The following CADM2 variants were observed in gnomAD, a reference collection of about 807,000 sequenced individuals.
CADM2 encodes immunoglobulin superfamily member 4D.
In CADM2, 12 loss-of-function variants were observed where a neutral mutation model predicts 49.8. The ratio of observed to expected loss-of-function variants is 0.24; its 90% confidence interval spans 0.15 to 0.39. CADM2 has a LOEUF of 0.39. CADM2 is among the 10% of genes least tolerant of loss of function. The probability of loss-of-function intolerance (pLI) is 1.00; values close to 1 mark genes in which losing one functional copy is unlikely to be tolerated. For synonymous variants in CADM2, 214 were observed against 175.4 expected (o/e 1.22, Z -1.74); for missense variants, 378 against 492.3 (o/e 0.77, Z 2.20).
intron 1 of CADM2, among the ~76,000 whole-genome samples, chr3:85,725,872 A>G (rs2107781165): frequency 6.6e-6 from 1 of 152,134 alleles, no homozygotes; most frequent in East Asian, 1.9e-4. Flanking sequence ...TCAGTTCCTT[A>G]AATACCAATA....
At chr3:85,595,187 C>A (rs2063208490) in intron 1 of CADM2, among the ~76,000 whole-genome samples, 2 of 151,954 alleles carry the variant, frequency 1.3e-5, no homozygotes, top group South Asian at 4.1e-4. Flanking sequence ...TAGGGCTGAA[C>A]AGAGCACCAG....
intron 1 of CADM2, among the ~76,000 whole-genome samples, chr3:85,396,499 A>G (rs1421300645): frequency 1.3e-5 from 2 of 152,026 alleles, no homozygotes; most frequent in African/African-American, 2.4e-5. Context: ...AAATTATTGC[A>G]GCAACAAATC....
At chr3:85,184,228 A>T (rs2167605) in intron 1 of CADM2, among the ~76,000 whole-genome samples, 11,166 of 152,122 alleles carry the variant, frequency 0.073, 1,359 homozygotes, top group African/African-American at 0.25. Context: ...GATACAACAG[A>T]TTCAGTAGAT....
chr3:86,045,943 C>G (rs568335205), intron 8 of CADM2, among the ~76,000 whole-genome samples: 1 of 152,128 alleles, frequency 6.6e-6, no homozygotes, highest in African/African-American at 2.4e-5. Context: ...GTGTCAGATT[C>G]TAACAGAAAA....
intron 1 of CADM2, among the ~76,000 whole-genome samples, chr3:85,254,994 T>A (rs1325979212): frequency 6.6e-6 from 1 of 152,130 alleles, no homozygotes; most frequent in Non-Finnish European, 1.5e-5. Context: ...GTCATTTTTT[T>A]CATATCCTAC....
At chr3:86,001,175 C>A (rs1052104091) in intron 8 of CADM2, among the ~76,000 whole-genome samples, 1 of 152,090 alleles carries the variant, frequency 6.6e-6, no homozygotes, top group Non-Finnish European at 1.5e-5. Flanking sequence ...TGTTGCCATT[C>A]AGTGAGATAG....
At chr3:85,945,161 T>C (rs1002606975) in intron 7 of CADM2, among the ~76,000 whole-genome samples, 9 of 151,956 alleles carry the variant, frequency 5.9e-5, no homozygotes, top group Non-Finnish European at 7.4e-5. Context: ...TCTACGCAAA[T>C]AAATTAGAAA....
At chr3:85,905,565 G>T (rs761883998) in intron 5 of CADM2, among the ~76,000 whole-genome samples, 24 of 151,812 alleles carry the variant, frequency 1.6e-4, no homozygotes, top group Admixed American at 4.6e-4. Context: ...TGTACCCAGC[G>T]TCTAAAACCT....
intron 1 of CADM2, chr3:85,511,844 C>A (rs2040631657): frequency 2.0e-6 from 2 of 980,446 alleles, no homozygotes; most frequent in Admixed American, 6.2e-5. Flanking sequence ...TGTTTTATTT[C>A]TTTCTGTTTT....
intron 1 of CADM2, among the ~76,000 whole-genome samples, chr3:85,503,094 T>TGTGAA (rs764523228): frequency 6.6e-6 from 1 of 151,946 alleles, no homozygotes; most frequent in Non-Finnish European, 1.5e-5. Context: ...CATATACTCC[T>TGTGAA]AACATAAAGT....
At chr3:86,020,317 A>G (rs1045277435) in intron 8 of CADM2, among the ~76,000 whole-genome samples, 2 of 151,688 alleles carry the variant, frequency 1.3e-5, no homozygotes, top group Non-Finnish European at 2.9e-5. Flanking sequence ...TAGACCAATA[A>G]CAGGAGCTGA....
intron 1 of CADM2, among the ~76,000 whole-genome samples, chr3:85,375,513 A>G (rs1228193318): frequency 6.6e-6 from 1 of 152,218 alleles, no homozygotes; most frequent in Non-Finnish European, 1.5e-5. Flanking sequence ...GGAAATTATT[A>G]CAAGTATGTA....
intron 2 of CADM2, among the ~76,000 whole-genome samples, chr3:85,734,819 A>G (rs904925779): frequency 4.7e-5 from 7 of 150,264 alleles, no homozygotes; most frequent in African/African-American, 1.7e-4. Context: ...CTTTTTAAAT[A>G]TAATAGACAC....
chr3:85,035,802 A>G (rs2035187271), intron 1 of CADM2, among the ~76,000 whole-genome samples: 1 of 152,136 alleles, frequency 6.6e-6, no homozygotes, highest in South Asian at 2.1e-4. Flanking sequence ...TTATGCCAGT[A>G]TTTGATCATT....
intron 1 of CADM2, among the ~76,000 whole-genome samples, chr3:85,370,782 A>G (rs1301001017): frequency 2.0e-5 from 3 of 152,126 alleles, no homozygotes; most frequent in African/African-American, 7.3e-5. Flanking sequence ...TTGTTATCAT[A>G]GAAGATAACA....
At chr3:85,211,441 C>T (rs1335118400) in intron 1 of CADM2, among the ~76,000 whole-genome samples, 1 of 151,928 alleles carries the variant, frequency 6.6e-6, no homozygotes, top group Non-Finnish European at 1.5e-5. Context: ...TAAACTTTCC[C>T]TTAGTACTGG....
chr3:85,212,859 T>TC (rs1559723740), intron 1 of CADM2, among the ~76,000 whole-genome samples: 49 of 128,938 alleles, frequency 3.8e-4, no homozygotes, highest in Non-Finnish European at 4.9e-4. Flanking sequence ...TCTTTCTTTC[T>TC]TTCTTTCTTT....
At chr3:85,405,746 G>T (rs1323842918) in intron 1 of CADM2, among the ~76,000 whole-genome samples, 1 of 151,640 alleles carries the variant, frequency 6.6e-6, no homozygotes, top group Non-Finnish European at 1.5e-5. Flanking sequence ...GAGTACACGT[G>T]CAGGATGTGC....
intron 1 of CADM2, among the ~76,000 whole-genome samples, chr3:85,132,922 G>C (rs1172665513): frequency 6.6e-6 from 1 of 152,152 alleles, no homozygotes; most frequent in Admixed American, 6.5e-5. Flanking sequence ...CAGCTCTTAA[G>C]GTGGCGTGTC....
Sources: gnomAD v4.1 joint callset for allele counts (sites outside exome capture counted in the v4.1 genomes callset) on GRCh38, gnomAD v4.1.1 for gene constraint, MANE v1.5 for transcripts, NCBI Gene and HGNC (gene_info 2026-07-23, HGNC 2026-07-21) for gene names.